Variants in KCNT2 observed in about 807,000 individuals in gnomAD.
KCNT2 encodes potassium channel subfamily T member 2.
A neutral mutation model predicts 153.8 loss-of-function variants in KCNT2; 67 were observed. The ratio of observed to expected loss-of-function variants is 0.44; its 90% CI spans 0.36 to 0.53. The LOEUF is 0.53. KCNT2 is among the 20% of genes least tolerant of loss of function. The pLI, the probability that KCNT2 is intolerant of heterozygous loss-of-function variation, is 0.00. For missense variants in KCNT2, 975 were observed against 1,354.8 expected (o/e 0.72, Z 4.40); for synonymous variants, 500 against 458.8 (o/e 1.09, Z -1.15).
At chr1:196,493,324 G>T (rs1446372203) in intron 1 of KCNT2, among the ~76,000 whole-genome samples, 3 of 142,842 alleles carry the variant, frequency 2.1e-5, no homozygotes, top group East Asian at 2.1e-4. Context: ...AAGGTTTGGG[G>T]GTCTTTTTTT....
chr1:196,463,866 T>C (rs553350996), intron 8 of KCNT2, among the ~76,000 whole-genome samples: 1 of 151,946 alleles, frequency 6.6e-6, no homozygotes, highest in South Asian at 2.1e-4. Flanking sequence ...AGATTTATTG[T>C]GATGAAGATG....
At chr1:196,282,906 A>G (rs1276776354) in intron 23 of KCNT2, among the ~76,000 whole-genome samples, 3 of 152,112 alleles carry the variant, frequency 2.0e-5, no homozygotes, top group African/African-American at 7.2e-5. Context: ...GTGCAGTGGC[A>G]TGATAGCGGC....
intron 8 of KCNT2, among the ~76,000 whole-genome samples, chr1:196,456,268 C>CT (rs200716891): frequency 0.034 from 5,192 of 150,738 alleles, 121 homozygotes; most frequent in Non-Finnish European, 0.051. Context: ...TAGGGCACTC[C>CT]TTTTTTTTTA....
At chr1:196,295,711 G>A (rs540056711) in intron 22 of KCNT2, among the ~76,000 whole-genome samples, 2 of 152,052 alleles carry the variant, frequency 1.3e-5, no homozygotes, top group South Asian at 4.1e-4. Flanking sequence ...TTTTTATTGA[G>A]CATACAAACC....
chr1:196,249,877 C>A (rs1408909128), intron 26 of KCNT2, among the ~76,000 whole-genome samples: 1 of 151,716 alleles, frequency 6.6e-6, no homozygotes, highest in Non-Finnish European at 1.5e-5. Flanking sequence ...AATTAAATAC[C>A]TAGGAACTAA....
intron 8 of KCNT2, among the ~76,000 whole-genome samples, chr1:196,453,688 G>T (rs544064776): frequency 6.6e-6 from 1 of 151,950 alleles, no homozygotes; most frequent in South Asian, 2.1e-4. Context: ...GATAATTCAC[G>T]TGTCACCACA....
At chr1:196,251,014 T>C in intron 26 of KCNT2, among the ~76,000 whole-genome samples, 1 of 152,124 alleles carries the variant, frequency 6.6e-6, no homozygotes, top group East Asian at 1.9e-4. Context: ...CCTTGTACAC[T>C]GTTGGTGGGA....
intron 13 of KCNT2, among the ~76,000 whole-genome samples, chr1:196,393,821 G>C (rs750987347): frequency 3.2e-4 from 49 of 151,452 alleles, no homozygotes; most frequent in Non-Finnish European, 6.5e-4. Context: ...TTGTAGATCC[G>C]ATATTTGACC....
chr1:196,367,166 A>G (rs1668111056), intron 14 of KCNT2, among the ~76,000 whole-genome samples: 1 of 152,086 alleles, frequency 6.6e-6, no homozygotes, highest in Non-Finnish European at 1.5e-5. Context: ...ACATTTTATA[A>G]TAATAATCAT....
At chr1:196,590,726 G>A (rs1032522692) in intron 1 of KCNT2, among the ~76,000 whole-genome samples, 23 of 152,216 alleles carry the variant, frequency 1.5e-4, no homozygotes, top group Admixed American at 1.3e-3. Flanking sequence ...ATATTTTCAC[G>A]TTACTTGGCA....
intron 1 of KCNT2, among the ~76,000 whole-genome samples, chr1:196,542,645 G>T (rs976527221): frequency 6.6e-6 from 1 of 152,078 alleles, no homozygotes; most frequent in Non-Finnish European, 1.5e-5. Flanking sequence ...TAAATGGATT[G>T]GGGAGCTTGG....
intron 1 of KCNT2, among the ~76,000 whole-genome samples, chr1:196,515,196 C>A (rs2148809216): frequency 6.6e-6 from 1 of 152,252 alleles, no homozygotes; most frequent in East Asian, 1.9e-4. Context: ...CACCAGCAGC[C>A]ATGGTTATGG....
intron 1 of KCNT2, among the ~76,000 whole-genome samples, chr1:196,575,241 T>C (rs1661217216): frequency 6.6e-6 from 1 of 152,188 alleles, no homozygotes; most frequent in Admixed American, 6.5e-5. Context: ...CTCTCTTAAC[T>C]ACCCCCTTTT....
In KCNT2 at chr1:196,591,882, G is replaced by C. The variant is rs76802624; in HGVS notation, c.95+16333C>G. Among the ~76,000 whole-genome samples the C allele has an allele frequency of 2.0e-5, 3 of 152,244 alleles. No homozygotes were observed. In the East Asian group the frequency reaches 5.8e-4, roughly 29 times the overall value. ...ATATGTTGTAGGAAAAATGGAATCAGTAAGTCAGAGCAACTCGATAATAAA... is the reference window on the plus strand; with the variant it reads ...ATATGTTGTAGGAAAAATGGAATCACTAAGTCAGAGCAACTCGATAATAAA... On this transcript the variant is annotated intron_variant, in intron 1 of 27. Coordinates refer to ENST00000294725, the MANE Select transcript of KCNT2 (RefSeq NM_198503.5).
chr1:196,284,656 A>G (rs1046762948), intron 23 of KCNT2, among the ~76,000 whole-genome samples: 3 of 151,848 alleles, frequency 2.0e-5, no homozygotes, highest in African/African-American at 7.2e-5. Context: ...TTGGAGTGGG[A>G]GCCCTGCCTC....
intron 1 of KCNT2, among the ~76,000 whole-genome samples, chr1:196,516,153 C>A (rs1682032543): frequency 6.6e-6 from 1 of 152,150 alleles, no homozygotes. Flanking sequence ...CATGGCACCT[C>A]CCAGGATAAG....
chr1:196,480,193 A>G (rs1678888374), intron 4 of KCNT2, among the ~76,000 whole-genome samples: 1 of 152,336 alleles, frequency 6.6e-6, no homozygotes, highest in African/African-American at 2.4e-5. Flanking sequence ...CAAATAAGCA[A>G]ATATAAACAA....
chr1:196,431,960 C>T (rs1484573110), intron 8 of KCNT2, among the ~76,000 whole-genome samples: 4 of 152,070 alleles, frequency 2.6e-5, no homozygotes, highest in African/African-American at 9.7e-5. Flanking sequence ...CATTTTGGAG[C>T]TCTTCCAGAC....
At chr1:196,314,502 T>C (rs902490103) in intron 21 of KCNT2, among the ~76,000 whole-genome samples, 12 of 151,750 alleles carry the variant, frequency 7.9e-5, no homozygotes, top group Admixed American at 6.6e-5. Context: ...ATATTCTAAG[T>C]GAACTGCTGC....
Sources: allele counts gnomAD v4.1 joint callset (sites outside exome capture counted in the v4.1 genomes callset), GRCh38; gene constraint gnomAD v4.1.1; transcripts MANE v1.5; gene names NCBI Gene and HGNC (gene_info 2026-07-23, HGNC 2026-07-21).